The following ZNF195 variants were observed in gnomAD, a reference collection of about 807,000 sequenced individuals.
The protein encoded by ZNF195 is hypoxia-regulated factor-1.
In ZNF195, 11 loss-of-function variants were observed where a neutral mutation model predicts 19.5. The observed-to-expected ratio is 0.57, with a 90% CI of 0.36 to 0.94. The LOEUF is 0.94. Among genes scored for constraint, ZNF195 ranks in the 40% least tolerant of loss-of-function variants. The probability of loss-of-function intolerance (pLI) is 0.01; values close to 1 mark genes in which losing one functional copy is unlikely to be tolerated. For synonymous variants in ZNF195, 214 were observed against 248.1 expected (o/e 0.86, Z 1.29); for missense variants, 582 against 709.0 (o/e 0.82, Z 2.03).
At chr11:3,378,389 T>C (rs576666609) in intron 1 of ZNF195, among the ~76,000 whole-genome samples, 37 of 141,994 alleles carry the variant, frequency 2.6e-4, no homozygotes, top group African/African-American at 9.5e-4. Flanking sequence ...AAAAAAAAAA[T>C]CTAACTCAGA....
At chr11:3,369,558 A>G (rs2133707942) in intron 3 of ZNF195, 1 of 435,802 alleles carries the variant, frequency 2.3e-6, no homozygotes, top group South Asian at 1.6e-5. Flanking sequence ...ACTCAGCCAT[A>G]AAAAAGGAAT....
At chr11:3,369,004 A>T (rs1849045264) in intron 3 of ZNF195, 1 of 301,772 alleles carries the variant, frequency 3.3e-6, no homozygotes, top group Non-Finnish European at 6.7e-6. Context: ...GGTCTTGGCA[A>T]TCATTTTTTA....
intron 1 of ZNF195, among the ~76,000 whole-genome samples, chr11:3,374,528 C>T (rs1363474593): frequency 6.6e-6 from 1 of 152,194 alleles, no homozygotes; most frequent in East Asian, 1.9e-4. Context: ...ACAATGTGTA[C>T]ACACGTATGA....
chr11:3,360,894 G>C (rs769758077), intron 4 of ZNF195, 106 bp from the exon 5 acceptor site: 203 of 951,276 alleles, frequency 2.1e-4, no homozygotes, highest in Non-Finnish European at 2.9e-4. Flanking sequence ...CTCAGCTCTT[G>C]GCTTCTCCTT....
rs373957597 is a variant in ZNF195 at position 3,359,069 on chromosome 11, G to A, written c.*49C>T. 66 of 1,497,784 alleles carry A rather than the reference G, an allele frequency of 4.4e-5. No homozygotes were observed. The highest frequency in any genetic ancestry group is 3.6e-4 in the Middle Eastern group (2 of 5,562). 92.8% of individuals were successfully genotyped at this position (1,497,784 alleles called of 1,614,324 possible). A position where few individuals can be genotyped will look rare whatever the true frequency, so the allele number is the denominator to read the frequency against. ...TGAACTCTGATGTAAAGTGGGATGC[G>A]AGCAGATACTAACGGCTTTGCCTAT... On this transcript the variant is annotated 3_prime_UTR_variant, in exon 6 of 6. Coordinates refer to ENST00000399602, the MANE Select transcript of ZNF195 (RefSeq NM_001130520.3). This position sits in a 1 kb window ranked among gnomAD's most constrained non-coding sequence, Gnocchi z 5.5.
At chr11:3,371,555 T>A in intron 2 of ZNF195, 22 bp downstream of exon 2, 1 of 1,613,970 alleles carries the variant, frequency 6.2e-7, no homozygotes, top group African/African-American at 1.3e-5. Flanking sequence ...TAGGAGGAAC[T>A]ACGTATTGAA....
chr11:3,368,038 T>A (rs1359366451), intron 3 of ZNF195, among the ~76,000 whole-genome samples: 1 of 151,776 alleles, frequency 6.6e-6, no homozygotes, highest in Non-Finnish European at 1.5e-5. Context: ...ATCGCGCCAT[T>A]GCACTCCAGC....
chr11:3,364,387 ACT>A (rs1480643009), intron 3 of ZNF195, among the ~76,000 whole-genome samples: 1 of 152,306 alleles, frequency 6.6e-6, no homozygotes, highest in East Asian at 1.9e-4. Context: ...AAAATATAAA[ACT>A]CTGTTAAAGG....
At chr11:3,374,595 T>C (rs1321164186) in intron 1 of ZNF195, among the ~76,000 whole-genome samples, 3 of 152,260 alleles carry the variant, frequency 2.0e-5, no homozygotes, top group Admixed American at 6.5e-5. Context: ...AGCACTGTGC[T>C]GGGCACCTCA....
In ZNF195 at chr11:3,368,704, T is replaced by C. The variant is rs1439277183; in HGVS notation, c.226+2271A>G. ...TAGGACTACAGTAGTAAGAACAGGA[T>C]GGTATGCGAACAGAGAGGAAAACTG... is the stretch of plus-strand genomic sequence containing the variant. On this transcript the variant is annotated intron_variant, in intron 3 of 5. Coordinates refer to ENST00000399602, the MANE Select transcript of ZNF195 (RefSeq NM_001130520.3). 6 of 336,242 alleles carry C rather than the reference T, an allele frequency of 1.8e-5. No homozygotes were observed. In the East Asian group the frequency reaches 4.7e-4, roughly 26 times the overall value. The allele number at this position is 336,242 out of a possible 1,614,324, so 20.8% of individuals were successfully genotyped here.
rs745655606 is a variant in ZNF195 at position 3,360,252 on chromosome 11, G to A, written c.756C>T (p.Ser252=). 6 of 1,613,858 alleles carry A rather than the reference G, an allele frequency of 3.7e-6. No homozygotes were observed. In the South Asian group the frequency reaches 5.5e-5, roughly 15 times the overall value. ...CAGTTAGGAATGAGAGCATTTGAAAGGATTTGCCACATTCTTGACATTTGA... is the reference window on the plus strand; with the variant it reads ...CAGTTAGGAATGAGAGCATTTGAAAAGATTTGCCACATTCTTGACATTTGA... ...KPFKCQECGK[S]FQMLSFLTEH... The change falls in exon 6 of 6, where the codon TCC becomes TCT. Residue 252 remains serine, a synonymous_variant. Coordinates refer to ENST00000399602, the MANE Select transcript of ZNF195 (RefSeq NM_001130520.3).
At chr11:3,363,111 A>G (rs1398539829) in intron 3 of ZNF195, among the ~76,000 whole-genome samples, 1 of 152,232 alleles carries the variant, frequency 6.6e-6, no homozygotes. Context: ...TAGGTATTGA[A>G]GTAACTTCCT....
intron 1 of ZNF195, chr11:3,378,033 G>T: frequency 1.4e-6 from 1 of 722,324 alleles, no homozygotes; most frequent in Non-Finnish European, 1.7e-6. Context: ...GTCCAGGCTG[G>T]GCGCAGTGGC....
intron 1 of ZNF195, among the ~76,000 whole-genome samples, chr11:3,378,447 G>C (rs1446715387): frequency 1.3e-5 from 2 of 151,894 alleles, no homozygotes; most frequent in Non-Finnish European, 2.9e-5. Context: ...TTCAGGCTTC[G>C]TCAACCACAA....
At chr11:3,367,836 C>T (rs547220803) in intron 3 of ZNF195, among the ~76,000 whole-genome samples, 3 of 151,950 alleles carry the variant, frequency 2.0e-5, no homozygotes, top group Admixed American at 6.6e-5. Flanking sequence ...CTTTGGGAGG[C>T]CAAGGCAGGC....
chr11:3,373,475 T>C (rs749931350), intron 1 of ZNF195: 16 of 912,640 alleles, frequency 1.8e-5, no homozygotes, highest in East Asian at 2.6e-5. Context: ...AAACTTACTA[T>C]GGAGAAACAC....
intron 1 of ZNF195, among the ~76,000 whole-genome samples, chr11:3,378,805 C>G (rs1283906686): frequency 1.3e-5 from 2 of 152,202 alleles, no homozygotes; most frequent in Admixed American, 6.5e-5. Context: ...CTCGGGGAGA[C>G]GAGGGTCTGC....
At position 3,359,825 on chromosome 11, in the gene ZNF195, G is replaced by C; in HGVS notation, c.1183C>G (p.Pro395Ala). Residue 395 changes from proline (P) to alanine (A), a missense_variant, in exon 6 of 6, where the codon CCA becomes GCA. Around this residue, in one of 3 missense-constraint regions of ZNF195, gnomAD observed 407 missense variants for 530.5 expected, o/e 0.77. Coordinates refer to ENST00000399602, the MANE Select transcript of ZNF195 (RefSeq NM_001130520.3). The surrounding 1 kb of genome is among the most constrained non-coding windows in gnomAD (Gnocchi z 5.5). ...ETWYKGFNHS[P>A]NPSKHQRNEI... ...TTTCTCTGGTGTTTGGAAGGATTTG[G>C]GCTGTGGTTAAAACCTTTGTACCAT... The C allele has an allele frequency of 6.2e-7, 1 of 1,613,968 alleles. No individual in the cohort carries two copies. The highest frequency in any genetic ancestry group is 8.5e-7 in the Non-Finnish European group (1 of 1,180,022).
chr11:3,377,648 C>G (rs756060812), intron 1 of ZNF195: 36 of 1,249,338 alleles, frequency 2.9e-5, no homozygotes, highest in Non-Finnish European at 3.2e-5. Flanking sequence ...CAGGAGATTT[C>G]TCTCAGCCCA....
Sources: gnomAD v4.1 joint callset for allele counts (sites outside exome capture counted in the v4.1 genomes callset) on GRCh38, gnomAD v4.1.1 for gene constraint, gnomAD v4.1.1 regional missense constraint, Gnocchi (gnomAD v3.1) non-coding constraint, MANE v1.5 for transcripts, NCBI Gene and HGNC (gene_info 2026-07-23, HGNC 2026-07-21) for gene names.